Variants in PTPN13 observed in about 807,000 individuals in gnomAD.
The protein encoded by PTPN13 is tyrosine-protein phosphatase non-receptor type 13.
Under a neutral mutation model 284.0 loss-of-function variants are expected in PTPN13, and 191 were observed. The ratio of observed to expected loss-of-function variants is 0.67; its 90% CI spans 0.60 to 0.76. The LOEUF (loss-of-function observed/expected upper bound fraction) is 0.76, where lower values mean the gene tolerates loss of function less well. Ranked by LOEUF, PTPN13 falls within the 30% of genes least tolerant of loss-of-function variation. The pLI, the probability that PTPN13 is intolerant of heterozygous loss-of-function variation, is 0.00. For synonymous variants in PTPN13, 986 were observed against 1,022.3 expected (o/e 0.96, Z 0.68); for missense variants, 2,797 against 2,939.9 (o/e 0.95, Z 1.12).
At chr4:86,812,745 G>T (rs1745379496) in intron 47 of PTPN13, among the ~76,000 whole-genome samples, 1 of 152,098 alleles carries the variant, frequency 6.6e-6, no homozygotes, top group Non-Finnish European at 1.5e-5. Context: ...AAGAGTGAAG[G>T]AGGAGGTGAG....
At chr4:86,763,273 C>T in intron 24 of PTPN13, 83 bp downstream of exon 24, 2 of 1,118,304 alleles carry the variant, frequency 1.8e-6, no homozygotes, top group Non-Finnish European at 2.6e-6. Context: ...CAATAATCTA[C>T]AAGATGCTTT....
At chr4:86,727,684 T>G (rs1345638778) in intron 10 of PTPN13, among the ~76,000 whole-genome samples, 1 of 149,504 alleles carries the variant, frequency 6.7e-6, no homozygotes, top group Non-Finnish European at 1.5e-5. Flanking sequence ...TTTTATTGTG[T>G]CTATTTGATT....
chr4:86,608,204 T>C (rs1196941873), intron 1 of PTPN13, among the ~76,000 whole-genome samples: 2 of 151,954 alleles, frequency 1.3e-5, no homozygotes, highest in Non-Finnish European at 2.9e-5. Context: ...TGAGGGACAT[T>C]ATAAAGATTT....
At chr4:86,669,214 A>G (rs1407058374) in intron 2 of PTPN13, among the ~76,000 whole-genome samples, 1 of 148,220 alleles carries the variant, frequency 6.7e-6, no homozygotes, top group Admixed American at 6.8e-5. Context: ...TCTTGTATTT[A>G]TGTATGTATT....
At chr4:86,806,600 A>G (rs770227391) in intron 44 of PTPN13, among the ~76,000 whole-genome samples, 5 of 152,184 alleles carry the variant, frequency 3.3e-5, no homozygotes, top group Non-Finnish European at 5.9e-5. Flanking sequence ...TGAATATCTC[A>G]AAATCAGAAT....
At chr4:86,661,989 C>G (rs1371187530) in intron 2 of PTPN13, among the ~76,000 whole-genome samples, 1 of 151,834 alleles carries the variant, frequency 6.6e-6, no homozygotes, top group Non-Finnish European at 1.5e-5. Context: ...TCTGCACTTG[C>G]AAAAATAAAA....
At chr4:86,601,992 TC>T (rs1764333434) in intron 1 of PTPN13, among the ~76,000 whole-genome samples, 1 of 152,208 alleles carries the variant, frequency 6.6e-6, no homozygotes, top group East Asian at 1.9e-4. Context: ...ATAGCTTTAA[TC>T]ATCTGAGTTC....
At chr4:86,714,324 T>G (rs1000122749) in intron 7 of PTPN13, among the ~76,000 whole-genome samples, 7 of 152,124 alleles carry the variant, frequency 4.6e-5, no homozygotes, top group African/African-American at 1.7e-4. Context: ...TATTTTCACC[T>G]TTTCCCTTGT....
intron 1 of PTPN13, among the ~76,000 whole-genome samples, chr4:86,596,163 T>C (rs1217908598): frequency 6.6e-6 from 1 of 152,124 alleles, no homozygotes; most frequent in African/African-American, 2.4e-5. Context: ...GGGGAGAGGA[T>C]AGGATGGAAA....
chr4:86,729,511 C>T (rs1734702913), intron 10 of PTPN13, among the ~76,000 whole-genome samples: 1 of 149,466 alleles, frequency 6.7e-6, no homozygotes, highest in Non-Finnish European at 1.5e-5. Context: ...TCACATATTC[C>T]GTGTTTCTTG....
At chr4:86,751,195 A>G in intron 19 of PTPN13, 71 bp downstream of exon 19, 1 of 1,118,276 alleles carries the variant, frequency 8.9e-7, no homozygotes, top group Non-Finnish European at 1.3e-6. Context: ...AGATCATCTT[A>G]ATTATCAAAT....
chr4:86,744,915 A>G, intron 16 of PTPN13, 51 bp from the exon 17 acceptor site: 1 of 1,354,906 alleles, frequency 7.4e-7, no homozygotes, highest in Non-Finnish European at 1.0e-6. Flanking sequence ...AAGAAATATA[A>G]ATAATATCTC....
chr4:86,808,022 G>T, intron 45 of PTPN13, 125 bp downstream of exon 45: 1 of 802,084 alleles, frequency 1.2e-6, no homozygotes, highest in Non-Finnish European at 1.9e-6. Context: ...TAGTTCCCAT[G>T]CAATGGAACT....
intron 2 of PTPN13, 90 bp from the exon 3 acceptor site, chr4:86,672,275 C>A: frequency 1.9e-6 from 2 of 1,054,392 alleles, no homozygotes; most frequent in Non-Finnish European, 2.7e-6. Context: ...CTGCATTATC[C>A]ATTGAAGTGA....
chr4:86,754,914 T>C lies in PTPN13; in HGVS notation c.3223+1849T>C, dbSNP rs151289125. Among the ~76,000 whole-genome samples the C allele has an allele frequency of 9.9e-5, 15 of 152,152 alleles. No homozygotes were observed. The East Asian group carries it at 2.1e-3, about 22-fold the overall frequency. ...CTCAGTTAGCTTGCAAACAAGGCTA[T>C]ATTTTCTTCAAAACGCTCTTTGAAT... On this transcript the variant is annotated intron_variant, in intron 20 of 47. Transcript: ENST00000411767.
chr4:86,734,817 C>T lies in PTPN13; in HGVS notation c.2093C>T (p.Thr698Ile), dbSNP rs778225424. 8.7e-6 allele frequency: 14 copies of T among 1,613,426 alleles called. No individual in the cohort carries two copies. In the Admixed American group the frequency reaches 2.3e-4, roughly 27 times the overall value. Reference sequence around the variant, plus strand: ...GAAAGGATGCACTGTGATGATGAGACTTCCTTATTGCTGGCATCCTTGGCT... The same window carrying T: ...GAAAGGATGCACTGTGATGATGAGATTTCCTTATTGCTGGCATCCTTGGCT... ...LEERMHCDDE[T>I]SLLLASLALQ... The change falls in exon 14 of 48, where the codon ACT (threonine) becomes ATT (isoleucine). Residue 698 changes from threonine (T) to isoleucine (I), a missense_variant. Transcript: ENST00000411767.
intron 7 of PTPN13, among the ~76,000 whole-genome samples, chr4:86,705,525 A>G (rs1166368395): frequency 1.3e-5 from 2 of 152,164 alleles, no homozygotes; most frequent in Admixed American, 1.3e-4. Context: ...ATCAATGTAT[A>G]CATTTTATTG....
intron 1 of PTPN13, among the ~76,000 whole-genome samples, chr4:86,600,261 A>G (rs1282239214): frequency 1.3e-5 from 2 of 152,106 alleles, no homozygotes; most frequent in Admixed American, 6.5e-5. Flanking sequence ...ACAGCTTACA[A>G]GAAACTGCTG....
At chr4:86,605,821 G>A (rs1325781716) in intron 1 of PTPN13, among the ~76,000 whole-genome samples, 2 of 151,786 alleles carry the variant, frequency 1.3e-5, no homozygotes, top group African/African-American at 4.8e-5. Flanking sequence ...GGGTAGTGGT[G>A]AAAATAAAGA....
Sources: gnomAD v4.1 joint callset for allele counts (sites outside exome capture counted in the v4.1 genomes callset) on GRCh38, gnomAD v4.1.1 for gene constraint, MANE v1.5 for transcripts, NCBI Gene and HGNC (gene_info 2026-07-23, HGNC 2026-07-21) for gene names.